The following ANKFN1 variants were observed in gnomAD, a reference collection of about 807,000 sequenced individuals.
The protein encoded by ANKFN1 is ankyrin repeat and fibronectin type III domain containing 1.
In ANKFN1, 74 loss-of-function variants were observed where a neutral mutation model predicts 108.7. The ratio of observed to expected loss-of-function variants is 0.68; its 90% CI spans 0.56 to 0.83. ANKFN1 has a LOEUF of 0.83. Ranked by LOEUF, ANKFN1 falls within the 40% of genes least tolerant of loss-of-function variation. The pLI, the probability that ANKFN1 is intolerant of heterozygous loss-of-function variation, is 0.00. For synonymous variants in ANKFN1, 547 were observed against 516.2 expected, an observed-to-expected ratio of 1.06 and a Z score of -0.81; for missense variants, 1,505 against 1,382.3, an observed-to-expected ratio of 1.09 and a Z score of -1.41.
intron 2 of ANKFN1, among the ~76,000 whole-genome samples, chr17:56,218,082 G>T (rs1403899171): frequency 1.3e-5 from 2 of 151,880 alleles, no homozygotes; most frequent in African/African-American, 4.8e-5. Flanking sequence ...GCTCATTTCT[G>T]TGGCTAACCA....
At chr17:56,159,789 A>T (rs1290160544) in intron 1 of ANKFN1, among the ~76,000 whole-genome samples, 1 of 152,206 alleles carries the variant, frequency 6.6e-6, no homozygotes, top group Non-Finnish European at 1.5e-5. Flanking sequence ...GTTGGACAGA[A>T]AGATAGAGGG....
intron 3 of ANKFN1, among the ~76,000 whole-genome samples, chr17:56,318,710 C>T (rs141237387): frequency 1.3e-5 from 2 of 152,252 alleles, no homozygotes; most frequent in African/African-American, 4.8e-5. Context: ...CTTATTCCAC[C>T]AGCCAATCTG....
At chr17:56,101,934 C>A (rs2143223186) in intron 4 of ANKFN1, among the ~76,000 whole-genome samples, 1 of 152,274 alleles carries the variant, frequency 6.6e-6, no homozygotes. Context: ...GATGCTCCCT[C>A]ACAGTAATGT....
chr17:56,230,271 C>T (rs966173131), intron 3 of ANKFN1, among the ~76,000 whole-genome samples: 1 of 152,074 alleles, frequency 6.6e-6, no homozygotes, highest in Non-Finnish European at 1.5e-5. Context: ...AGGCTAATGG[C>T]TAAGTCCCAG....
chr17:56,408,364 T>C (rs1219403019), intron 8 of ANKFN1, among the ~76,000 whole-genome samples: 2 of 152,224 alleles, frequency 1.3e-5, no homozygotes, highest in African/African-American at 4.8e-5. Flanking sequence ...CCATATTTTC[T>C]CCATTTCTTT....
chr17:56,187,567 C>G (rs1912339475), intron 1 of ANKFN1, among the ~76,000 whole-genome samples: 1 of 152,134 alleles, frequency 6.6e-6, no homozygotes, highest in African/African-American at 2.4e-5. Flanking sequence ...GCCATTTGAC[C>G]CAGTCATCTC....
chr17:56,321,189 AC>A (rs1297794761), intron 3 of ANKFN1, among the ~76,000 whole-genome samples: 1 of 152,124 alleles, frequency 6.6e-6, no homozygotes, highest in Non-Finnish European at 1.5e-5. Flanking sequence ...TTCATTACTA[AC>A]AACTTCGCAC....
chr17:56,401,482 G>T (rs1220839928), intron 8 of ANKFN1, among the ~76,000 whole-genome samples: 2 of 151,922 alleles, frequency 1.3e-5, no homozygotes, highest in Admixed American at 1.3e-4. Context: ...TTGATTATCT[G>T]CTTGGCTGCT....
chr17:56,495,542 C>T (rs2051173699), intron 19 of ANKFN1, among the ~76,000 whole-genome samples: 1 of 152,060 alleles, frequency 6.6e-6, no homozygotes, highest in African/African-American at 2.4e-5. Context: ...TATGTAAATA[C>T]AGTTAGGAAA....
chr17:56,291,498 G>T (rs937010393), intron 3 of ANKFN1, among the ~76,000 whole-genome samples: 5 of 152,132 alleles, frequency 3.3e-5, no homozygotes, highest in African/African-American at 1.2e-4. Context: ...ACACATTTAG[G>T]GGCCTTATGG....
intron 4 of ANKFN1, among the ~76,000 whole-genome samples, chr17:56,338,317 G>T (rs2144606262): frequency 6.6e-6 from 1 of 152,280 alleles, no homozygotes; most frequent in East Asian, 1.9e-4. Context: ...TGGGGAGCTG[G>T]GGGAGGGATA....
rs147827361 is a variant in ANKFN1 at position 56,307,942 on chromosome 17, G to C, written c.54-18279G>C. On this transcript the variant is annotated intron_variant, in intron 3 of 20. Coordinates refer to ENST00000682825, the MANE Select transcript of ANKFN1 (RefSeq NM_001370326.1). ...TGTCCTTTATAGGGACATGGATGAA[G>C]CTGGAATCCATCATTCTCAGCAAAC... 6.1e-3 allele frequency among the ~76,000 whole-genome samples: 930 copies of C among 152,272 alleles called. 9 individuals are homozygous for C. Among genetic ancestry groups the C allele is most frequent in the African/African-American group, 0.021 (890 of 41,556 alleles).
At chr17:56,394,588 C>T (rs1292711478) in intron 8 of ANKFN1, among the ~76,000 whole-genome samples, 2 of 152,098 alleles carry the variant, frequency 1.3e-5, no homozygotes, top group Admixed American at 1.3e-4. Flanking sequence ...ACCATCCCTA[C>T]CCCTGGACTG....
intron 4 of ANKFN1, among the ~76,000 whole-genome samples, chr17:56,330,902 A>T (rs2144563376): frequency 6.6e-6 from 1 of 152,268 alleles, no homozygotes; most frequent in Non-Finnish European, 1.5e-5. Flanking sequence ...GTTACTGCTG[A>T]CTTTTCAAAA....
chr17:56,204,815 C>A (rs1433107472), intron 1 of ANKFN1, among the ~76,000 whole-genome samples: 2 of 152,124 alleles, frequency 1.3e-5, no homozygotes, highest in Admixed American at 6.5e-5. Flanking sequence ...GTGGCTCACG[C>A]CCGTAATCCC....
intron 2 of ANKFN1, among the ~76,000 whole-genome samples, chr17:56,216,670 G>A (rs571485319): frequency 1.8e-4 from 27 of 152,312 alleles, no homozygotes; most frequent in African/African-American, 6.5e-4. Context: ...ATAAAAATGG[G>A]AGCCAAAAGA....
intron 4 of ANKFN1, among the ~76,000 whole-genome samples, chr17:56,329,488 C>G (rs1173082323): frequency 1.3e-5 from 2 of 152,164 alleles, no homozygotes; most frequent in African/African-American, 4.8e-5. Context: ...TCCTGTCACA[C>G]AGAAAGTTCA....
chr17:56,091,457 CACACAG>C (rs950523274), intron 4 of ANKFN1, among the ~76,000 whole-genome samples: 2 of 148,572 alleles, frequency 1.3e-5, no homozygotes, highest in African/African-American at 2.5e-5. Flanking sequence ...CACACACACA[CACACAG>C]AGTTCATTTC....
chr17:56,397,278 C>G (rs755569175), intron 8 of ANKFN1, among the ~76,000 whole-genome samples: 1 of 152,062 alleles, frequency 6.6e-6, no homozygotes, highest in Non-Finnish European at 1.5e-5. Flanking sequence ...ACACATTCAC[C>G]GCATCTAAAT....
Sources: gnomAD v4.1 joint callset for allele counts (sites outside exome capture counted in the v4.1 genomes callset) on GRCh38, gnomAD v4.1.1 for gene constraint, MANE v1.5 for transcripts, NCBI Gene and HGNC (gene_info 2026-07-23, HGNC 2026-07-21) for gene names.